CEP112: variants seen among roughly 807,000 people sequenced by gnomAD.
CEP112 encodes the protein centrosomal protein 112.
CEP112 carries 127 observed loss-of-function variants against 153.0 expected under a neutral mutation model. The observed-to-expected ratio is 0.83, with a 90% CI of 0.72 to 0.96. The LOEUF (loss-of-function observed/expected upper bound fraction) is 0.96. Among genes scored for constraint, CEP112 ranks in the 40% least tolerant of loss-of-function variants. CEP112 has a pLI of 0.00. For missense variants in CEP112, 1,089 were observed against 1,101.2 expected, an observed-to-expected ratio of 0.99 and a Z score of 0.16; for synonymous variants, 358 against 374.4, an observed-to-expected ratio of 0.96 and a Z score of 0.51.
intron 23 of CEP112, among the ~76,000 whole-genome samples, chr17:65,719,845 C>T (rs1259340656): frequency 6.6e-6 from 1 of 152,180 alleles, no homozygotes; most frequent in Non-Finnish European, 1.5e-5. Context: ...GCAGGGCAGC[C>T]TTGCGAGCGC....
At chr17:65,747,360 A>C (rs1397231518) in intron 22 of CEP112, among the ~76,000 whole-genome samples, 1 of 152,158 alleles carries the variant, frequency 6.6e-6, no homozygotes, top group African/African-American at 2.4e-5. Flanking sequence ...TGCATCAGGC[A>C]TTGGGTAGTG....
intron 8 of CEP112, among the ~76,000 whole-genome samples, chr17:66,081,614 C>CA (rs11421559): frequency 0.58 from 81,072 of 138,768 alleles, 23,408 homozygotes; most frequent in East Asian, 0.9. Context: ...GACTCACAGA[C>CA]AAAAAAAAAA....
chr17:65,690,136 A>C (rs1054771993), intron 23 of CEP112, among the ~76,000 whole-genome samples: 1 of 135,094 alleles, frequency 7.4e-6, no homozygotes, highest in African/African-American at 2.8e-5. Flanking sequence ...AAAAAAAAAA[A>C]AACTCCGGTC....
chr17:66,045,425 C>T (rs2066164528), intron 12 of CEP112, among the ~76,000 whole-genome samples: 1 of 152,084 alleles, frequency 6.6e-6, no homozygotes, highest in Non-Finnish European at 1.5e-5. Context: ...AAGACAATTC[C>T]TACTCTTGTT....
At position 66,070,540 on chromosome 17, in the gene CEP112, T is replaced by C. The variant is rs188344247; in HGVS notation, c.769-539A>G. 3.5e-3 allele frequency among the ~76,000 whole-genome samples: 529 copies of C among 152,258 alleles called. 1 individual carries two copies. The highest frequency in any genetic ancestry group is 0.012 in the African/African-American group (495 of 41,562). ...TTTTCAGTTCTCTCTCCCGGAATCA[T>C]AGACCCCCGCTCCCTCAAGGGAGTG... On this transcript the variant is annotated intron_variant, in intron 8 of 26. Coordinates refer to ENST00000535342, the MANE Select transcript of CEP112 (RefSeq NM_001199165.4).
intron 21 of CEP112, among the ~76,000 whole-genome samples, chr17:65,790,866 A>G (rs1307881636): frequency 1.3e-5 from 2 of 152,200 alleles, no homozygotes; most frequent in Non-Finnish European, 2.9e-5. Flanking sequence ...TCTTCTAACT[A>G]GGCCTTGGCA....
At chr17:65,970,949 C>G (rs562403816) in intron 17 of CEP112, among the ~76,000 whole-genome samples, 76 of 146,948 alleles carry the variant, frequency 5.2e-4, no homozygotes, top group Admixed American at 9.8e-4. Flanking sequence ...TATTATATTA[C>G]ATACCTATTA....
chr17:65,805,137 C>T (rs1425702357), intron 21 of CEP112, among the ~76,000 whole-genome samples: 2 of 152,104 alleles, frequency 1.3e-5, no homozygotes, highest in Non-Finnish European at 2.9e-5. Flanking sequence ...CAGGAGCCAC[C>T]ATACCTGGCC....
At chr17:66,115,004 A>G (rs2069219769) in intron 6 of CEP112, among the ~76,000 whole-genome samples, 1 of 152,104 alleles carries the variant, frequency 6.6e-6, no homozygotes, top group South Asian at 2.1e-4. Context: ...CAGGAGTTTG[A>G]GACCAGCCTG....
At chr17:66,059,637 G>C (rs1357353194) in intron 11 of CEP112, among the ~76,000 whole-genome samples, 1 of 152,114 alleles carries the variant, frequency 6.6e-6, no homozygotes, top group Non-Finnish European at 1.5e-5. Flanking sequence ...TTATTTAAAA[G>C]ATTAAAAACA....
intron 23 of CEP112, among the ~76,000 whole-genome samples, chr17:65,703,870 G>A (rs138302933): frequency 1.3e-5 from 2 of 151,332 alleles, no homozygotes; most frequent in East Asian, 3.9e-4. Flanking sequence ...CAGTCATAAT[G>A]ATTCCGAAGG....
At chr17:66,081,969 T>C (rs2067738972) in intron 8 of CEP112, among the ~76,000 whole-genome samples, 1 of 152,130 alleles carries the variant, frequency 6.6e-6, no homozygotes, top group African/African-American at 2.4e-5. Flanking sequence ...CAACATCTCT[T>C]TTTAGGCAAT....
rs189649464 is a variant in CEP112 at position 66,047,872 on chromosome 17, C to T, written c.1218+5864G>A. ...TTCTAAATGTACAATCATCCCTTGC[C>T]ATCTGTGGGAAACTAATTGCAGGAC... On this transcript the variant is annotated intron_variant, in intron 12 of 26. Transcript: ENST00000535342. Among the ~76,000 whole-genome samples, 27 of 152,206 alleles carry T rather than the reference C, an allele frequency of 1.8e-4. 1 individual carries two copies. The highest frequency in any genetic ancestry group is 1.7e-3 in the Admixed American group (26 of 15,292).
At chr17:65,973,024 C>T (rs1456328985) in intron 17 of CEP112, among the ~76,000 whole-genome samples, 3 of 152,170 alleles carry the variant, frequency 2.0e-5, no homozygotes, top group Non-Finnish European at 2.9e-5. Flanking sequence ...CCTTGGCCTC[C>T]GAAAGTCTTG....
intron 18 of CEP112, among the ~76,000 whole-genome samples, chr17:65,928,295 G>A (rs1430980589): frequency 1.3e-5 from 2 of 152,172 alleles, no homozygotes; most frequent in East Asian, 1.9e-4. Context: ...TGGTAAAGAC[G>A]TAGAGAAGTC....
chr17:66,058,194 A>G (rs2066779376), intron 11 of CEP112, among the ~76,000 whole-genome samples: 1 of 152,148 alleles, frequency 6.6e-6, no homozygotes, highest in African/African-American at 2.4e-5. Context: ...AAAGAAAAAG[A>G]CGTACCCTTG....
intron 20 of CEP112, among the ~76,000 whole-genome samples, chr17:65,888,751 G>T (rs560150844): frequency 6.6e-6 from 1 of 152,282 alleles, no homozygotes; most frequent in Admixed American, 6.5e-5. Flanking sequence ...TCCGGGCACA[G>T]TAAAGTATGT....
chr17:66,046,043 TC>T (rs979312391), intron 12 of CEP112, among the ~76,000 whole-genome samples: 1 of 151,942 alleles, frequency 6.6e-6, no homozygotes, highest in Non-Finnish European at 1.5e-5. Context: ...GTTTTTTTTT[TC>T]TTTTTCTTTT....
intron 21 of CEP112, among the ~76,000 whole-genome samples, chr17:65,786,551 C>A (rs529332826): frequency 7.0e-6 from 1 of 142,214 alleles, no homozygotes; most frequent in South Asian, 2.3e-4. Flanking sequence ...CTGTAAAATG[C>A]TGTTTTGTCT....
Sources: allele counts gnomAD v4.1 joint callset (sites outside exome capture counted in the v4.1 genomes callset), GRCh38; gene constraint gnomAD v4.1.1; transcripts MANE v1.5; gene names NCBI Gene and HGNC (gene_info 2026-07-23, HGNC 2026-07-21).